Variants in CNOT6L observed in about 807,000 individuals in gnomAD.
The protein encoded by CNOT6L is CCR4-NOT transcription complex subunit 6 like.
CNOT6L carries 7 observed loss-of-function variants against 64.0 expected under a neutral mutation model. The observed-to-expected ratio is 0.11, with a 90% CI of 0.06 to 0.21. The LOEUF (loss-of-function observed/expected upper bound fraction) is 0.21. Among genes scored for constraint, CNOT6L ranks in the 10% least tolerant of loss-of-function variants. CNOT6L has a pLI of 1.00. For missense variants in CNOT6L, 245 were observed against 669.0 expected (o/e 0.37, Z 6.99); for synonymous variants, 193 against 243.4 (o/e 0.79, Z 1.93).
chr4:77,782,902 A>T (rs1043324969), intron 1 of CNOT6L, among the ~76,000 whole-genome samples: 4 of 152,162 alleles, frequency 2.6e-5, no homozygotes, highest in African/African-American at 4.8e-5. Context: ...ACTATACTGC[A>T]TATAGTAAGA....
At chr4:77,783,676 G>A (rs1184698179) in intron 1 of CNOT6L, among the ~76,000 whole-genome samples, 1 of 152,080 alleles carries the variant, frequency 6.6e-6, no homozygotes, top group Admixed American at 6.5e-5. Flanking sequence ...TAATATTGGG[G>A]AATGGGACTG....
At position 77,794,150 on chromosome 4, in the gene CNOT6L, CAA is replaced by C. The variant is rs10649868; in HGVS notation, c.6-17760_6-17759del. On this transcript the variant is annotated intron_variant, in intron 1 of 11. Transcript: ENST00000504123. ...CTGGCAACAGAGTAAGACTCTGTCT[CAA>C]AAAAAAAAAAAAAAAAAAAAAAAAG... Among the ~76,000 whole-genome samples, 12 of 52,024 alleles carry C rather than the reference CAA, an allele frequency of 2.3e-4. No homozygotes were observed. The South Asian group carries it at 9.4e-3, about 41-fold the overall frequency. 34.1% of individuals were successfully genotyped at this position (52,024 alleles called of 152,430 possible).
intron 8 of CNOT6L, among the ~76,000 whole-genome samples, chr4:77,734,017 A>C (rs1382053182): frequency 6.6e-6 from 1 of 152,142 alleles, no homozygotes; most frequent in Non-Finnish European, 1.5e-5. Context: ...AAGTTTACCC[A>C]AAGGTGCAGT....
In CNOT6L at chr4:77,720,604, T is replaced by C. The variant is rs1377003975; in HGVS notation, c.1495A>G (p.Asn499Asp). Residue 499 changes from asparagine to aspartate, a missense_variant, in exon 12 of 12, where the codon AAC becomes GAC. Asn to Asp is a conservative substitution (Grantham distance 23, BLOSUM62 1). This residue lies in a region of CNOT6L where 20 missense variants were observed against 26.4 expected (regional missense o/e 0.76). Coordinates refer to ENST00000504123, the MANE Select transcript of CNOT6L (RefSeq NM_144571.3). Reference protein sequence around the residue: ...DYIFYSKTHMNVLGVLGPLDP... With the variant: ...DYIFYSKTHMDVLGVLGPLDP... ...AAAGGCCCCAGGACACCAAGCACGT[T>C]CATATGAGTCTTGGAATAGAAAATG... The C allele has an allele frequency of 2.5e-6, 4 of 1,613,240 alleles. No individual in the cohort carries two copies. Among genetic ancestry groups the C allele is most frequent in the East Asian group, 2.2e-5 (1 of 44,892 alleles).
intron 6 of CNOT6L, 150 bp from the exon 7 acceptor site, chr4:77,745,025 C>T: frequency 2.0e-6 from 1 of 511,394 alleles, no homozygotes; most frequent in Non-Finnish European, 3.3e-6. Flanking sequence ...GATTGCTAAT[C>T]TACTAAAACA....
chr4:77,746,457 AT>A (rs1460479624), intron 6 of CNOT6L, among the ~76,000 whole-genome samples: 2 of 152,170 alleles, frequency 1.3e-5, no homozygotes, highest in African/African-American at 4.8e-5. Context: ...AGTAAAATGC[AT>A]TTTTAACAGT....
intron 1 of CNOT6L, chr4:77,819,074 A>ACACACACACACACACACACACACC (rs368900394): frequency 2.4e-5 from 17 of 720,378 alleles, no homozygotes; most frequent in Middle Eastern, 3.5e-4. Flanking sequence ...ACACACACAC[A>ACACACACACACACACACACACACC]CCCCGGAACC....
In CNOT6L at chr4:77,760,840, G is replaced by T. The variant is rs187708647; in HGVS notation, c.401-3889C>A. ...GCCTCCTGAGTAGCTAGGACTACAG[G>T]TGCACACCACCATGCCTGGCTTTTT... On this transcript the variant is annotated intron_variant, in intron 4 of 11. Transcript: ENST00000504123. 1.0e-3 allele frequency among the ~76,000 whole-genome samples: 133 copies of T among 128,612 alleles called. 1 individual carries two copies. The Middle Eastern group carries it at 0.015, about 15-fold the overall frequency. The allele number at this position is 128,612 out of a possible 152,430, so 84.4% of individuals were successfully genotyped here. A position where few individuals can be genotyped will look rare whatever the true frequency, so the allele number is the denominator to read the frequency against.
chr4:77,786,227 G>C, intron 1 of CNOT6L, among the ~76,000 whole-genome samples: 1 of 151,870 alleles, frequency 6.6e-6, no homozygotes, highest in East Asian at 1.9e-4. Flanking sequence ...GTTTCAGTGA[G>C]CCAGTATTGC....
At chr4:77,785,760 T>C (rs1003104625) in intron 1 of CNOT6L, among the ~76,000 whole-genome samples, 2 of 152,154 alleles carry the variant, frequency 1.3e-5, no homozygotes, top group Admixed American at 1.3e-4. Context: ...CTGACGAAGA[T>C]TTGGTCTGCA....
chr4:77,755,903 A>G (rs1725512890), intron 5 of CNOT6L, among the ~76,000 whole-genome samples: 1 of 151,036 alleles, frequency 6.6e-6, no homozygotes, highest in South Asian at 2.1e-4. Context: ...CCATACTTTT[A>G]CTCATATTTT....
chr4:77,766,755 G>A (rs1577963377), intron 4 of CNOT6L, among the ~76,000 whole-genome samples: 1 of 150,202 alleles, frequency 6.7e-6, no homozygotes, highest in South Asian at 2.1e-4. Context: ...AAAAAAAGAA[G>A]AAAAAACCTT....
rs974682872 is a variant in CNOT6L, at chr4:77,776,510, A to G, written c.6-118T>C. 1.8e-5 allele frequency: 12 copies of G among 675,456 alleles called. No individual in the cohort carries two copies. The Admixed American group carries it at 3.2e-4, about 18-fold the overall frequency. The allele number at this position is 675,456 out of a possible 1,614,324, so 41.8% of individuals were successfully genotyped here. On this transcript the variant is annotated intron_variant, in intron 1 of 11. Transcript: ENST00000504123. ...TTACCAGTCTAGTAAGTCATTTTAT[A>G]CTACAAATTCTCACTTGCAGAAAAA... is the stretch of plus-strand genomic sequence containing the variant.
chr4:77,740,466 G>C (rs1723458302), intron 8 of CNOT6L, among the ~76,000 whole-genome samples: 1 of 152,132 alleles, frequency 6.6e-6, no homozygotes, highest in Non-Finnish European at 1.5e-5. Context: ...GCTCAAACAA[G>C]AAGGCTAAAG....
At chr4:77,782,635 C>T (rs1397487310) in intron 1 of CNOT6L, among the ~76,000 whole-genome samples, 1 of 122,166 alleles carries the variant, frequency 8.2e-6, no homozygotes, top group Non-Finnish European at 1.7e-5. Context: ...AGCCACAGTG[C>T]CTAGCCTTTT....
chr4:77,813,799 G>A (rs969329613), intron 1 of CNOT6L, among the ~76,000 whole-genome samples: 1 of 152,162 alleles, frequency 6.6e-6, no homozygotes, highest in African/African-American at 2.4e-5. Context: ...ACTGCTGATG[G>A]AAATGTAAAA....
At position 77,819,350 on chromosome 4, in the gene CNOT6L, C is replaced by A; in HGVS notation, c.-42G>T. 1 of 1,612,972 alleles carries A rather than the reference C, an allele frequency of 6.2e-7. No individual in the cohort carries two copies. The highest frequency in any genetic ancestry group is 8.5e-7 in the Non-Finnish European group (1 of 1,179,416). ...AGAAGCAACAGCAGCCATTTCCCCG[C>A]GGCAGGGGAAACACACACACAAACA... On this transcript the variant is annotated 5_prime_UTR_variant, in exon 1 of 12. Coordinates refer to ENST00000504123, the MANE Select transcript of CNOT6L (RefSeq NM_144571.3).
At chr4:77,737,948 A>C (rs1378111011) in intron 8 of CNOT6L, among the ~76,000 whole-genome samples, 5 of 152,172 alleles carry the variant, frequency 3.3e-5, no homozygotes, top group Non-Finnish European at 5.9e-5. Context: ...ACCACCTATG[A>C]CACAGGAAAT....
At chr4:77,773,833 A>G (rs1409365481) in intron 3 of CNOT6L, among the ~76,000 whole-genome samples, 2 of 152,180 alleles carry the variant, frequency 1.3e-5, no homozygotes, top group Non-Finnish European at 2.9e-5. Flanking sequence ...AGAATAGGAT[A>G]GCATAAATAA....
Sources: gnomAD v4.1 joint callset for allele counts (sites outside exome capture counted in the v4.1 genomes callset) on GRCh38, gnomAD v4.1.1 for gene constraint, gnomAD v4.1.1 regional missense constraint, MANE v1.5 for transcripts, NCBI Gene and HGNC (gene_info 2026-07-23, HGNC 2026-07-21) for gene names.